Variants in SLC12A8 observed in about 807,000 individuals in gnomAD.
The protein encoded by SLC12A8 is solute carrier family 12 member 8.
In SLC12A8, 69 loss-of-function variants were observed where a neutral mutation model predicts 75.6. That is an observed-to-expected ratio of 0.91 (90% CI 0.75 to 1.11). The LOEUF is 1.11. SLC12A8 is among the 50% of genes most tolerant of loss of function. The pLI is 0.00. For synonymous variants in SLC12A8, 365 were observed against 372.8 expected (o/e 0.98, Z 0.24); for missense variants, 877 against 896.7 (o/e 0.98, Z 0.28).
intron 6 of SLC12A8, among the ~76,000 whole-genome samples, chr3:125,127,686 G>A (rs140008526): frequency 1.3e-5 from 2 of 152,188 alleles, no homozygotes; most frequent in Non-Finnish European, 2.9e-5. Context: ...GTCAGGCTGT[G>A]GAGAAGTTTA....
At chr3:125,193,859 G>A (rs1383359621) in intron 2 of SLC12A8, among the ~76,000 whole-genome samples, 3 of 152,144 alleles carry the variant, frequency 2.0e-5, no homozygotes, top group Admixed American at 2.0e-4. Flanking sequence ...CTGAAGCTTA[G>A]GCCAGTTCCA....
chr3:125,206,396 G>A (rs1400549472), intron 2 of SLC12A8, among the ~76,000 whole-genome samples: 4 of 152,174 alleles, frequency 2.6e-5, no homozygotes, highest in African/African-American at 9.7e-5. Context: ...TGGAACTCAA[G>A]TCTCTGGGCT....
At chr3:125,190,666 C>T (rs1019094600) in intron 2 of SLC12A8, 145 bp from the exon 3 acceptor site, 15 of 865,138 alleles carry the variant, frequency 1.7e-5, no homozygotes, top group Non-Finnish European at 2.6e-5. Flanking sequence ...TGTGTGTATA[C>T]ACACATGCAT....
chr3:125,168,040 A>G (rs1243120022), intron 5 of SLC12A8, among the ~76,000 whole-genome samples: 2 of 152,090 alleles, frequency 1.3e-5, no homozygotes, highest in Non-Finnish European at 2.9e-5. Flanking sequence ...GCTTCAGTGC[A>G]TAGGAGGTGT....
At chr3:125,112,484 T>G (rs1456619843) in intron 8 of SLC12A8, among the ~76,000 whole-genome samples, 1 of 152,162 alleles carries the variant, frequency 6.6e-6, no homozygotes, top group East Asian at 1.9e-4. Flanking sequence ...CAGGTAGAAT[T>G]GTATCATGCT....
At chr3:125,175,629 G>C (rs1028030756) in intron 5 of SLC12A8, among the ~76,000 whole-genome samples, 1 of 152,190 alleles carries the variant, frequency 6.6e-6, no homozygotes, top group Non-Finnish European at 1.5e-5. Flanking sequence ...TGTCACTGGA[G>C]GGGGAAGTAC....
chr3:125,096,105 T>C (rs1178589069), intron 10 of SLC12A8, among the ~76,000 whole-genome samples: 5 of 152,178 alleles, frequency 3.3e-5, no homozygotes, highest in Admixed American at 6.5e-5. Context: ...CCTCTGCCAT[T>C]CTTGATGAGT....
chr3:125,189,887 C>G (rs1934873804), intron 3 of SLC12A8, among the ~76,000 whole-genome samples: 1 of 152,172 alleles, frequency 6.6e-6, no homozygotes, highest in Non-Finnish European at 1.5e-5. Context: ...GGATCTCACA[C>G]AGCAGAGTCC....
At chr3:125,117,562 C>T (rs1469513618) in intron 8 of SLC12A8, among the ~76,000 whole-genome samples, 7 of 152,032 alleles carry the variant, frequency 4.6e-5, no homozygotes, top group Non-Finnish European at 8.8e-5. Flanking sequence ...CGTCACTGTA[C>T]TCTAGCCTGG....
At chr3:125,160,154 G>C (rs1179762197) in intron 5 of SLC12A8, among the ~76,000 whole-genome samples, 2 of 152,016 alleles carry the variant, frequency 1.3e-5, no homozygotes, top group East Asian at 3.9e-4. Context: ...GTATTGCCTA[G>C]GCTGGTCTCG....
chr3:125,174,137 C>A lies in SLC12A8; in HGVS notation c.622+3606G>T, dbSNP rs577514655. On this transcript the variant is annotated intron_variant, in intron 5 of 13. Transcript: ENST00000469902. ...AATGATAGGAAAACAAACAAACAAA[C>A]AAAAAAACACAAGTTTTTTAAAAGG... 2.2e-3 allele frequency among the ~76,000 whole-genome samples: 326 copies of A among 150,680 alleles called. 1 individual carries two copies. Among genetic ancestry groups the A allele is most frequent in the African/African-American group, 7.7e-3 (314 of 40,736 alleles).
chr3:125,162,507 A>G (rs486571), intron 5 of SLC12A8, among the ~76,000 whole-genome samples: 125,855 of 152,150 alleles, frequency 0.83, 52,143 homozygotes, highest in African/African-American at 0.85. Context: ...AGCGTGGTGC[A>G]GATCCACCAG....
chr3:125,132,015 G>A (rs1441819741), intron 6 of SLC12A8, among the ~76,000 whole-genome samples: 3 of 152,176 alleles, frequency 2.0e-5, no homozygotes, highest in South Asian at 2.1e-4. Flanking sequence ...GTCCTTGAAC[G>A]TGGCTCAGAG....
intron 5 of SLC12A8, among the ~76,000 whole-genome samples, chr3:125,152,889 C>T (rs1933961855): frequency 6.6e-6 from 1 of 152,168 alleles, no homozygotes; most frequent in Admixed American, 6.5e-5. Context: ...CTATTCTCCG[C>T]TGTATCCCAA....
intron 5 of SLC12A8, among the ~76,000 whole-genome samples, chr3:125,160,594 G>A (rs1157601797): frequency 6.6e-6 from 1 of 152,180 alleles, no homozygotes; most frequent in Non-Finnish European, 1.5e-5. Flanking sequence ...ATCAGCCACT[G>A]GTTGCAAATG....
At chr3:125,153,872 G>T (rs1167646265) in intron 5 of SLC12A8, among the ~76,000 whole-genome samples, 1 of 152,108 alleles carries the variant, frequency 6.6e-6, no homozygotes, top group Admixed American at 6.6e-5. Flanking sequence ...CTTGAGCTCT[G>T]GACTAGCTGG....
intron 10 of SLC12A8, among the ~76,000 whole-genome samples, chr3:125,094,008 C>T (rs1938650259): frequency 6.6e-6 from 1 of 152,152 alleles, no homozygotes; most frequent in Non-Finnish European, 1.5e-5. Flanking sequence ...ATCCAAAGCC[C>T]TACTTTCTCG....
intron 2 of SLC12A8, among the ~76,000 whole-genome samples, chr3:125,205,267 C>G (rs1935204677): frequency 6.6e-6 from 1 of 152,182 alleles, no homozygotes; most frequent in Non-Finnish European, 1.5e-5. Flanking sequence ...ATAGTGTATT[C>G]TCTCTTCTCA....
chr3:125,113,573 G>T (rs1018375099), intron 8 of SLC12A8, among the ~76,000 whole-genome samples: 2 of 152,170 alleles, frequency 1.3e-5, no homozygotes, highest in African/African-American at 4.8e-5. Context: ...AGCCCTCACA[G>T]AACTTAATTG....
Sources: allele counts gnomAD v4.1 joint callset (sites outside exome capture counted in the v4.1 genomes callset), GRCh38; gene constraint gnomAD v4.1.1; transcripts MANE v1.5; gene names NCBI Gene and HGNC (gene_info 2026-07-23, HGNC 2026-07-21).